The following RFTN2 variants were observed in gnomAD, a reference collection of about 807,000 sequenced individuals.
RFTN2 encodes raftlin-2.
In RFTN2, 34 loss-of-function variants were observed where a neutral mutation model predicts 52.7. The observed-to-expected ratio is 0.64, with a 90% CI of 0.49 to 0.86. The LOEUF is 0.86. RFTN2 is among the 40% of genes least tolerant of loss of function. The pLI is 0.00. For synonymous variants in RFTN2, 203 were observed against 217.7 expected (o/e 0.93, Z 0.59); for missense variants, 536 against 600.1 (o/e 0.89, Z 1.12).
chr2:197,632,837 C>T (rs549962977), intron 4 of RFTN2, among the ~76,000 whole-genome samples: 4 of 152,166 alleles, frequency 2.6e-5, no homozygotes, highest in Non-Finnish European at 5.9e-5. Context: ...GACACCAAGG[C>T]GTGCTCCTCC....
intron 2 of RFTN2, among the ~76,000 whole-genome samples, chr2:197,645,395 G>A (rs1332967255): frequency 1.3e-5 from 2 of 152,156 alleles, no homozygotes; most frequent in African/African-American, 2.4e-5. Context: ...TTCACACAAT[G>A]ACAAAGCAGC....
In RFTN2 at chr2:197,675,564, G is replaced by C; in HGVS notation, c.-106C>G. On this transcript the variant is annotated 5_prime_UTR_variant, in exon 1 of 9. Transcript: ENST00000295049. ...TTACAGACTTAACTGCTTTGATTTT[G>C]TTTTCAGCTAAACTATAGATAACCA... 1 of 173,362 alleles carries C rather than the reference G, an allele frequency of 5.8e-6. No homozygotes were observed. The highest frequency in any genetic ancestry group is 1.3e-4 in the East Asian group (1 of 7,522). The allele number at this position is 173,362 out of a possible 1,614,324, so 10.7% of individuals were successfully genotyped here. A position where few individuals can be genotyped will look rare whatever the true frequency, so the allele number is the denominator to read the frequency against.
chr2:197,590,927 C>T lies in RFTN2; in HGVS notation c.1233+5064G>A, dbSNP rs189399159. ...TGCAAAAAGTAAAAAAACAAAACTC[C>T]CCAAGTGGGGAAGACGAGCCCAGCA... On this transcript the variant is annotated intron_variant, in intron 8 of 8. Transcript: ENST00000295049. Among the ~76,000 whole-genome samples the T allele has an allele frequency of 4.6e-5, 7 of 152,286 alleles. No individual in the cohort carries two copies. The East Asian group carries it at 1.3e-3, about 29-fold the overall frequency.
At chr2:197,604,825 A>G (rs538458159) in intron 7 of RFTN2, among the ~76,000 whole-genome samples, 3 of 152,194 alleles carry the variant, frequency 2.0e-5, no homozygotes, top group Admixed American at 1.3e-4. Flanking sequence ...CAGTGGTGCA[A>G]TCTTGGCTTA....
At chr2:197,666,197 G>A (rs542749231) in intron 1 of RFTN2, among the ~76,000 whole-genome samples, 10 of 151,792 alleles carry the variant, frequency 6.6e-5, no homozygotes, top group African/African-American at 2.2e-4. Flanking sequence ...CGTTTCTCTT[G>A]CCTCAGCCTC....
chr2:197,596,125 A>G, intron 7 of RFTN2, 56 bp from the exon 8 acceptor site: 10 of 1,040,238 alleles, frequency 9.6e-6, no homozygotes, highest in Admixed American at 3.6e-5. Flanking sequence ...TCTATATTTC[A>G]TAATTGGCTA....
intron 1 of RFTN2, among the ~76,000 whole-genome samples, chr2:197,673,479 C>T (rs1386765117): frequency 1.3e-5 from 2 of 152,100 alleles, no homozygotes; most frequent in African/African-American, 2.4e-5. Context: ...AAAATTGGAG[C>T]GCAATGGGGC....
rs1188553270 is a variant in RFTN2 at position 197,646,604 on chromosome 2, T to C, written c.202A>G (p.Asn68Asp). The change falls in exon 2 of 9, where the codon AAC becomes GAC. Residue 68 changes from asparagine (N) to aspartate (D), a missense_variant. Physicochemically the swap from Asn to Asp is conservative, Grantham distance 23. Coordinates refer to ENST00000295049, the MANE Select transcript of RFTN2 (RefSeq NM_144629.3). ...ACAATATATCCTTTAAGATAATAGT[T>C]TTCCACTTTTGTTACTATATCCAGA... is the stretch of plus-strand genomic sequence containing the variant. ...SILDIVTKVENYYLKGYIVGA... is the reference protein window; with the variant it reads ...SILDIVTKVEDYYLKGYIVGA... The C allele has an allele frequency of 6.2e-7, 1 of 1,613,208 alleles. No individual in the cohort carries two copies. The highest frequency in any genetic ancestry group is 1.7e-5 in the Admixed American group (1 of 60,020).
intron 1 of RFTN2, among the ~76,000 whole-genome samples, chr2:197,662,281 T>C (rs1177963337): frequency 1.3e-5 from 2 of 152,206 alleles, no homozygotes; most frequent in Non-Finnish European, 2.9e-5. Flanking sequence ...TTTAAGTCTT[T>C]AGTCCAGTTT....
chr2:197,598,592 T>TGGG (rs2087827364), intron 7 of RFTN2, among the ~76,000 whole-genome samples: 1 of 152,230 alleles, frequency 6.6e-6, no homozygotes, highest in Admixed American at 6.5e-5. Flanking sequence ...CAATTCTGAA[T>TGGG]GCACTAAGAT....
intron 7 of RFTN2, among the ~76,000 whole-genome samples, chr2:197,598,147 A>G (rs1318229045): frequency 6.6e-6 from 1 of 151,876 alleles, no homozygotes; most frequent in African/African-American, 2.4e-5. Flanking sequence ...AGACTCTTGT[A>G]TCTACAAAAT....
Position 197,675,364 on chromosome 2 carries a change from G to T in RFTN2, c.95C>A (p.Thr32Lys). The T allele has an allele frequency of 1.9e-6, 3 of 1,604,102 alleles. No individual in the cohort carries two copies. Among genetic ancestry groups the T allele is most frequent in the Non-Finnish European group, 2.6e-6 (3 of 1,175,420 alleles). Residue 32 changes from threonine (T) to lysine (K), a missense_variant, in exon 1 of 9, where the codon ACA (threonine) becomes AAA (lysine). Coordinates refer to ENST00000295049, the MANE Select transcript of RFTN2 (RefSeq NM_144629.3). ...TLKRPQVETK[T>K]EFAYEYVLLD... ...CAATACATATTCGTAAGCAAATTCT[G>T]TCTTTGTTTCCACTTGCGGTCTCTT...
intron 1 of RFTN2, among the ~76,000 whole-genome samples, chr2:197,670,374 C>T (rs959258777): frequency 2.6e-5 from 4 of 152,190 alleles, no homozygotes; most frequent in African/African-American, 7.2e-5. Flanking sequence ...TCATGATGCA[C>T]ATGTACACTC....
intron 1 of RFTN2, among the ~76,000 whole-genome samples, chr2:197,658,393 C>T (rs2088924009): frequency 1.3e-5 from 2 of 151,982 alleles, no homozygotes; most frequent in Admixed American, 6.6e-5. Context: ...ACCTCAGCCT[C>T]CTGAGTAGCT....
intron 5 of RFTN2, 83 bp from the exon 6 acceptor site, chr2:197,618,004 T>G (rs1018941637): frequency 6.8e-5 from 76 of 1,111,770 alleles, no homozygotes; most frequent in Non-Finnish European, 8.4e-5. Flanking sequence ...ATAACTCATA[T>G]AGGAAACTGA....
chr2:197,583,792 G>A (rs1022034449), intron 8 of RFTN2, among the ~76,000 whole-genome samples: 9 of 151,374 alleles, frequency 5.9e-5, no homozygotes, highest in East Asian at 3.9e-4. Context: ...CCCACCCCAC[G>A]ACAGGCCCCG....
chr2:197,661,713 C>A (rs2088979696), intron 1 of RFTN2, among the ~76,000 whole-genome samples: 1 of 152,152 alleles, frequency 6.6e-6, no homozygotes, highest in Non-Finnish European at 1.5e-5. Context: ...GAAATCTCTA[C>A]ACTCTTTTCC....
intron 1 of RFTN2, among the ~76,000 whole-genome samples, chr2:197,654,714 T>C (rs904141841): frequency 6.6e-6 from 1 of 151,980 alleles, no homozygotes; most frequent in East Asian, 1.9e-4. Context: ...TATACAAATA[T>C]AGGCTGGGCA....
chr2:197,582,841 C>T (rs772879966), intron 8 of RFTN2, among the ~76,000 whole-genome samples: 1 of 152,130 alleles, frequency 6.6e-6, no homozygotes, highest in Admixed American at 6.5e-5. Context: ...CAAATCCCAT[C>T]GCTCAGGGCT....
Sources: allele counts gnomAD v4.1 joint callset (sites outside exome capture counted in the v4.1 genomes callset), GRCh38; gene constraint gnomAD v4.1.1; transcripts MANE v1.5; gene names NCBI Gene and HGNC (gene_info 2026-07-23, HGNC 2026-07-21).